The following EXOC6B variants were observed in gnomAD, a reference collection of about 807,000 sequenced individuals.
EXOC6B encodes SEC15 homolog B.
EXOC6B carries 54 observed loss-of-function variants against 113.5 expected under a neutral mutation model. The observed-to-expected ratio is 0.48, with a 90% CI of 0.38 to 0.60. The LOEUF (loss-of-function observed/expected upper bound fraction) is 0.60, where lower values mean the gene tolerates loss of function less well. EXOC6B is among the 20% of genes least tolerant of loss of function. The pLI, the probability that EXOC6B is intolerant of heterozygous loss-of-function variation, is 0.00. For synonymous variants in EXOC6B, 357 were observed against 339.0 expected, an observed-to-expected ratio of 1.05 and a Z score of -0.58; for missense variants, 797 against 977.5, an observed-to-expected ratio of 0.82 and a Z score of 2.46.
rs575837403 is a variant in EXOC6B, at chr2:72,273,658, A to G, written c.2196+61289T>C. 1.3e-4 allele frequency among the ~76,000 whole-genome samples: 20 copies of G among 152,296 alleles called. No homozygotes were observed. The South Asian group carries it at 1.4e-3, about 11-fold the overall frequency. On this transcript the variant is annotated intron_variant, in intron 20 of 21. Coordinates refer to ENST00000272427, the MANE Select transcript of EXOC6B (RefSeq NM_015189.3). ...CTTTGCTATGTCATGCTTGGGGAAC[A>G]GCAACACATTTGATGTGGATATACC...
intron 20 of EXOC6B, among the ~76,000 whole-genome samples, chr2:72,266,714 C>T (rs998393946): frequency 2.6e-5 from 4 of 151,936 alleles, no homozygotes; most frequent in Admixed American, 6.6e-5. Context: ...GTTCTTTTGG[C>T]TTAGGATTGA....
intron 1 of EXOC6B, among the ~76,000 whole-genome samples, chr2:72,804,479 G>A (rs1573824063): frequency 1.3e-5 from 2 of 152,060 alleles, no homozygotes; most frequent in African/African-American, 4.8e-5. Flanking sequence ...GAACCTAATG[G>A]TGCAAAACAA....
chr2:72,471,887 G>T (rs1698435137), intron 17 of EXOC6B, among the ~76,000 whole-genome samples: 2 of 152,018 alleles, frequency 1.3e-5, no homozygotes, highest in South Asian at 4.2e-4. Flanking sequence ...TTATTTTGAG[G>T]TATGTTCCTT....
intron 5 of EXOC6B, among the ~76,000 whole-genome samples, chr2:72,727,809 A>T (rs570079955): frequency 2.0e-5 from 3 of 152,300 alleles, no homozygotes; most frequent in Non-Finnish European, 4.4e-5. Flanking sequence ...TCTACGCAAC[A>T]AAAACTACTA....
chr2:72,682,911 A>G (rs1472535322), intron 6 of EXOC6B, among the ~76,000 whole-genome samples: 2 of 152,174 alleles, frequency 1.3e-5, no homozygotes, highest in Non-Finnish European at 1.5e-5. Flanking sequence ...CCACTATAAA[A>G]GTTCTCATGT....
chr2:72,689,911 G>A (rs964175896), intron 6 of EXOC6B, among the ~76,000 whole-genome samples: 2 of 152,194 alleles, frequency 1.3e-5, no homozygotes, highest in Non-Finnish European at 2.9e-5. Context: ...TTCCAGCTAT[G>A]ACTAAGCCAA....
At chr2:72,500,521 A>G (rs189218426) in intron 11 of EXOC6B, among the ~76,000 whole-genome samples, 2 of 152,260 alleles carry the variant, frequency 1.3e-5, no homozygotes, top group Admixed American at 6.5e-5. Context: ...TAAATAAACC[A>G]AAGACCAAGT....
intron 8 of EXOC6B, among the ~76,000 whole-genome samples, chr2:72,558,021 A>G (rs1304881207): frequency 9.8e-6 from 1 of 102,060 alleles, no homozygotes; most frequent in Non-Finnish European, 2.0e-5. Flanking sequence ...AGATATTCAG[A>G]GCTTCTTTAT....
rs140111139 is a variant in EXOC6B at position 72,555,632 on chromosome 2, T to C, written c.915+3821A>G. 7.1e-3 allele frequency among the ~76,000 whole-genome samples: 1,086 copies of C among 152,242 alleles called. 9 individuals are homozygous for C. Among genetic ancestry groups the C allele is most frequent in the Middle Eastern group, 0.02 (6 of 294 alleles). On this transcript the variant is annotated intron_variant, in intron 8 of 21. Transcript: ENST00000272427. Reference sequence around the variant, plus strand: ...TTTTTTTCTTATAAATTTAGTTTCTTTTGCTGGAGTTCCACACAACTTTCA... The same window carrying C: ...TTTTTTTCTTATAAATTTAGTTTCTCTTGCTGGAGTTCCACACAACTTTCA...
intron 6 of EXOC6B, among the ~76,000 whole-genome samples, chr2:72,669,626 A>G (rs1409722790): frequency 1.3e-5 from 2 of 152,248 alleles, no homozygotes; most frequent in East Asian, 3.8e-4. Context: ...CCATTTTTAA[A>G]GAGGAGAAAC....
chr2:72,632,014 G>T (rs1195537608), intron 6 of EXOC6B, among the ~76,000 whole-genome samples: 3 of 152,010 alleles, frequency 2.0e-5, no homozygotes, highest in Non-Finnish European at 4.4e-5. Flanking sequence ...ATTTTTTAAA[G>T]TATCAAATAT....
At chr2:72,405,684 C>T (rs374956020) in intron 18 of EXOC6B, among the ~76,000 whole-genome samples, 2 of 152,128 alleles carry the variant, frequency 1.3e-5, no homozygotes, top group African/African-American at 2.4e-5. Context: ...GCCTGCCCTA[C>T]AAGAGCTCCT....
At chr2:72,796,752 G>A (rs972383785) in intron 1 of EXOC6B, among the ~76,000 whole-genome samples, 40 of 151,676 alleles carry the variant, frequency 2.6e-4, no homozygotes, top group African/African-American at 6.3e-4. Context: ...TACCTTGCAC[G>A]ACCCATGTTA....
rs6734650 is a variant in EXOC6B, at chr2:72,458,400, G to C, written c.1980+6760C>G. 9.7e-3 allele frequency among the ~76,000 whole-genome samples: 1,481 copies of C among 152,220 alleles called. 23 individuals are homozygous for C. The highest frequency in any genetic ancestry group is 0.033 in the African/African-American group (1,369 of 41,556). ...AGGCAATCTATTTTGTGGAAACCCAGATGGGGTAGTTTAAGAAGTCATCTG... is the reference window on the plus strand; with the variant it reads ...AGGCAATCTATTTTGTGGAAACCCACATGGGGTAGTTTAAGAAGTCATCTG... On this transcript the variant is annotated intron_variant, in intron 18 of 21. Coordinates refer to ENST00000272427, the MANE Select transcript of EXOC6B (RefSeq NM_015189.3).
At chr2:72,772,454 G>A (rs142458751) in intron 1 of EXOC6B, among the ~76,000 whole-genome samples, 1 of 152,282 alleles carries the variant, frequency 6.6e-6, no homozygotes, top group East Asian at 1.9e-4. Flanking sequence ...CATGGTACCA[G>A]GCACCAGGCT....
chr2:72,629,645 T>C (rs1196296910), intron 6 of EXOC6B, among the ~76,000 whole-genome samples: 1 of 152,230 alleles, frequency 6.6e-6, no homozygotes, highest in Non-Finnish European at 1.5e-5. Context: ...TCATTGTGCC[T>C]TATAATCAAC....
chr2:72,821,204 G>A, intron 1 of EXOC6B, among the ~76,000 whole-genome samples: 1 of 151,946 alleles, frequency 6.6e-6, no homozygotes, highest in Non-Finnish European at 1.5e-5. Flanking sequence ...ATCCAAAAGG[G>A]ATAAACAATG....
At chr2:72,544,824 G>A (rs1702808857) in intron 8 of EXOC6B, among the ~76,000 whole-genome samples, 1 of 151,832 alleles carries the variant, frequency 6.6e-6, no homozygotes, top group African/African-American at 2.4e-5. Context: ...TCTCATCACT[G>A]GTAAAATAAA....
chr2:72,210,058 C>T (rs755654225), intron 20 of EXOC6B, among the ~76,000 whole-genome samples: 5 of 152,140 alleles, frequency 3.3e-5, no homozygotes, highest in Non-Finnish European at 7.4e-5. Flanking sequence ...TGGTGGGTAT[C>T]TGTAGCTGCC....
Sources: allele counts gnomAD v4.1 joint callset (sites outside exome capture counted in the v4.1 genomes callset), GRCh38; gene constraint gnomAD v4.1.1; transcripts MANE v1.5; gene names NCBI Gene and HGNC (gene_info 2026-07-23, HGNC 2026-07-21).